Variants in SPAG16 observed in about 807,000 individuals in gnomAD.
The protein encoded by SPAG16 is sperm-associated antigen 16 protein.
SPAG16 carries 86 observed loss-of-function variants against 80.4 expected under a neutral mutation model. That is an observed-to-expected ratio of 1.07 (90% confidence interval 0.90 to 1.28). SPAG16 has a LOEUF of 1.28. SPAG16 is among the 50% of genes most tolerant of loss of function. The pLI is 0.00. For missense variants in SPAG16, 870 were observed against 765.3 expected, an observed-to-expected ratio of 1.14 and a Z score of -1.61; for synonymous variants, 294 against 265.9, an observed-to-expected ratio of 1.11 and a Z score of -1.03.
chr2:213,593,931 C>A (rs1315080885), intron 10 of SPAG16, among the ~76,000 whole-genome samples: 2 of 151,284 alleles, frequency 1.3e-5, no homozygotes, highest in East Asian at 3.9e-4. Flanking sequence ...CCCACCACCA[C>A]GCCCGGCTAA....
intron 10 of SPAG16, among the ~76,000 whole-genome samples, chr2:213,600,462 T>C (rs138453557): frequency 7.2e-4 from 109 of 152,342 alleles, no homozygotes; most frequent in African/African-American, 2.5e-3. Flanking sequence ...TATATTTGCT[T>C]AACAAATGTT....
At chr2:213,284,974 C>T (rs1180654726) in intron 1 of SPAG16, among the ~76,000 whole-genome samples, 1 of 152,134 alleles carries the variant, frequency 6.6e-6, no homozygotes, top group Non-Finnish European at 1.5e-5. Context: ...CCTAAATAAG[C>T]CCTCAATCTT....
chr2:213,820,065 A>G (rs2072845989), intron 10 of SPAG16, among the ~76,000 whole-genome samples: 1 of 150,338 alleles, frequency 6.7e-6, no homozygotes, highest in Non-Finnish European at 1.5e-5. Flanking sequence ...GGCGTGAGCC[A>G]CCGTTGTTTT....
At chr2:214,237,726 T>A (rs927237106) in intron 15 of SPAG16, among the ~76,000 whole-genome samples, 2 of 152,144 alleles carry the variant, frequency 1.3e-5, no homozygotes, top group South Asian at 4.2e-4. Flanking sequence ...CTTTACTTCA[T>A]CTCATTTCCT....
At chr2:214,142,184 A>G (rs964161218) in intron 14 of SPAG16, among the ~76,000 whole-genome samples, 2 of 152,160 alleles carry the variant, frequency 1.3e-5, no homozygotes, top group Admixed American at 6.6e-5. Flanking sequence ...TCCTATCTAT[A>G]GAGCCCTATT....
At chr2:213,765,882 T>G (rs2068912789) in intron 10 of SPAG16, among the ~76,000 whole-genome samples, 1 of 152,030 alleles carries the variant, frequency 6.6e-6, no homozygotes, top group Non-Finnish European at 1.5e-5. Flanking sequence ...TGTAGATAGG[T>G]TTAGGACAAT....
intron 10 of SPAG16, among the ~76,000 whole-genome samples, chr2:213,535,633 T>C (rs144722955): frequency 1.3e-3 from 198 of 152,286 alleles, no homozygotes; most frequent in African/African-American, 4.2e-3. Flanking sequence ...AGAACTCTAA[T>C]TGTTTTGTTA....
chr2:213,918,339 AG>A (rs2078060668), intron 11 of SPAG16, among the ~76,000 whole-genome samples: 1 of 152,154 alleles, frequency 6.6e-6, no homozygotes, highest in African/African-American at 2.4e-5. Flanking sequence ...TTTCAGTAAG[AG>A]TGATAGGAGC....
At chr2:213,485,433 C>T (rs2125710211) in intron 9 of SPAG16, among the ~76,000 whole-genome samples, 1 of 152,260 alleles carries the variant, frequency 6.6e-6, no homozygotes, top group South Asian at 2.1e-4. Context: ...ATCTAAACAT[C>T]TATCAGTGTA....
intron 10 of SPAG16, among the ~76,000 whole-genome samples, chr2:213,810,650 C>T (rs535800588): frequency 9.2e-5 from 14 of 152,218 alleles, no homozygotes; most frequent in African/African-American, 3.1e-4. Context: ...GAAGTCAATA[C>T]AGCAGGAGGA....
At chr2:214,222,230 ACTCAGCCTC>A (rs2058595637) in intron 15 of SPAG16, among the ~76,000 whole-genome samples, 1 of 147,878 alleles carries the variant, frequency 6.8e-6, no homozygotes, top group African/African-American at 2.5e-5. Flanking sequence ...GAGTCTCCTG[ACTCAGCCTC>A]CTGAGTAGCT....
intron 12 of SPAG16, among the ~76,000 whole-genome samples, chr2:213,947,747 A>G (rs1436887591): frequency 6.6e-6 from 1 of 152,158 alleles, no homozygotes; most frequent in African/African-American, 2.4e-5. Context: ...GAAAGAAAAA[A>G]TCCATAGTCT....
intron 13 of SPAG16, among the ~76,000 whole-genome samples, chr2:214,053,424 A>G (rs142958252): frequency 7.7e-4 from 117 of 152,330 alleles, no homozygotes; most frequent in African/African-American, 2.6e-3. Context: ...TGTGCTTAGT[A>G]CTTACCATAT....
chr2:213,444,475 C>T (rs2125543893), intron 9 of SPAG16, among the ~76,000 whole-genome samples: 1 of 152,216 alleles, frequency 6.6e-6, no homozygotes. Flanking sequence ...TCCTATTCTG[C>T]CATCTTGCTG....
At chr2:214,112,413 T>A (rs1259301969) in intron 14 of SPAG16, among the ~76,000 whole-genome samples, 2 of 152,148 alleles carry the variant, frequency 1.3e-5, no homozygotes, top group Non-Finnish European at 2.9e-5. Flanking sequence ...CAGTGGGGTG[T>A]TAAAGTCTCC....
intron 12 of SPAG16, among the ~76,000 whole-genome samples, chr2:213,948,254 A>G (rs936002748): frequency 2.0e-5 from 3 of 152,138 alleles, no homozygotes; most frequent in Admixed American, 1.3e-4. Context: ...TCAAACTGTG[A>G]GTTTTTATGA....
chr2:214,200,760 G>A (rs946683687), intron 15 of SPAG16, among the ~76,000 whole-genome samples: 1 of 152,140 alleles, frequency 6.6e-6, no homozygotes, highest in Non-Finnish European at 1.5e-5. Flanking sequence ...CGAGGTTTTT[G>A]AGAAAACAAT....
intron 10 of SPAG16, among the ~76,000 whole-genome samples, chr2:213,717,156 A>ATTT (rs1411155401): frequency 1.4e-5 from 2 of 144,200 alleles, no homozygotes; most frequent in Middle Eastern, 3.6e-3. Context: ...GAAACTTTTC[A>ATTT]TTTTTTTTTT....
At chr2:213,628,479 C>T (rs1477910306) in intron 10 of SPAG16, among the ~76,000 whole-genome samples, 1 of 152,182 alleles carries the variant, frequency 6.6e-6, no homozygotes, top group Non-Finnish European at 1.5e-5. Context: ...AAGCACCGTA[C>T]AGTTTCAACC....
Sources: gnomAD v4.1 joint callset for allele counts (sites outside exome capture counted in the v4.1 genomes callset) on GRCh38, gnomAD v4.1.1 for gene constraint, MANE v1.5 for transcripts, NCBI Gene and HGNC (gene_info 2026-07-23, HGNC 2026-07-21) for gene names.